The following PRKD1 variants were observed in gnomAD, a reference collection of about 807,000 sequenced individuals.
PRKD1 encodes serine/threonine-protein kinase D1.
Under a neutral mutation model 95.9 loss-of-function variants are expected in PRKD1, and 63 were observed. The observed-to-expected ratio is 0.66, with a 90% CI of 0.54 to 0.81. PRKD1 has a LOEUF of 0.81. PRKD1 is among the 30% of genes least tolerant of loss of function. The pLI is 0.00. For synonymous variants in PRKD1, 425 were observed against 423.1 expected (o/e 1.00, Z -0.05); for missense variants, 1,048 against 1,165.3 (o/e 0.90, Z 1.47).
chr14:29,838,454 A>G (rs1423397727), intron 1 of PRKD1, among the ~76,000 whole-genome samples: 1 of 152,162 alleles, frequency 6.6e-6, no homozygotes, highest in Admixed American at 6.5e-5. Flanking sequence ...CCAAGAAATT[A>G]GTTAGAAATA....
chr14:29,577,575 G>T, intron 17 of PRKD1, 119 bp from the exon 18 acceptor site: 1 of 967,848 alleles, frequency 1.0e-6, no homozygotes, highest in Non-Finnish European at 1.6e-6. Flanking sequence ...TAACAGCGCT[G>T]AATCTTTCAT....
intron 1 of PRKD1, among the ~76,000 whole-genome samples, chr14:29,796,807 G>A (rs1225055422): frequency 6.6e-6 from 1 of 152,186 alleles, no homozygotes; most frequent in African/African-American, 2.4e-5. Context: ...ATGTTTAGGA[G>A]TTAATTAAAG....
At chr14:29,858,948 C>A (rs1177729152) in intron 1 of PRKD1, among the ~76,000 whole-genome samples, 1 of 152,172 alleles carries the variant, frequency 6.6e-6, no homozygotes. Flanking sequence ...CAAGTCTCCT[C>A]TATTTGAATA....
intron 16 of PRKD1, 25 bp from the exon 17 acceptor site, chr14:29,578,385 A>G (rs1892637493): frequency 1.3e-6 from 2 of 1,528,292 alleles, no homozygotes; most frequent in African/African-American, 1.4e-5. Flanking sequence ...CAGTAAAAAT[A>G]GATGACAAAT....
intron 1 of PRKD1, among the ~76,000 whole-genome samples, chr14:29,836,201 G>A (rs1017661630): frequency 3.9e-5 from 6 of 152,104 alleles, no homozygotes; most frequent in Non-Finnish European, 2.9e-5. Flanking sequence ...AAACAAACAC[G>A]TTTGGAAAGC....
intron 1 of PRKD1, among the ~76,000 whole-genome samples, chr14:29,809,109 T>A (rs999973399): frequency 1.3e-5 from 2 of 152,222 alleles, no homozygotes; most frequent in Admixed American, 1.3e-4. Flanking sequence ...AGGTGCATTG[T>A]CAACGAAAAA....
intron 2 of PRKD1, among the ~76,000 whole-genome samples, chr14:29,698,219 TGG>T (rs1212974439): frequency 1.8e-4 from 28 of 152,240 alleles, no homozygotes; most frequent in Non-Finnish European, 3.8e-4. Context: ...CACTATTATC[TGG>T]ATAATCACAT....
intron 2 of PRKD1, among the ~76,000 whole-genome samples, chr14:29,675,692 T>A (rs566038876): frequency 6.6e-6 from 1 of 152,046 alleles, no homozygotes; most frequent in South Asian, 2.1e-4. Context: ...ACGTTTATTG[T>A]GGCACTAGTC....
chr14:29,853,500 A>G (rs1010304088), intron 1 of PRKD1, among the ~76,000 whole-genome samples: 1 of 152,244 alleles, frequency 6.6e-6, no homozygotes, highest in African/African-American at 2.4e-5. Context: ...CAAGGCCCAC[A>G]AAATAAACAA....
intron 2 of PRKD1, among the ~76,000 whole-genome samples, chr14:29,692,024 T>C (rs1388463457): frequency 6.6e-6 from 1 of 152,166 alleles, no homozygotes; most frequent in Non-Finnish European, 1.5e-5. Flanking sequence ...ACAAGTAGCA[T>C]ATTAAACTTT....
intron 1 of PRKD1, among the ~76,000 whole-genome samples, chr14:29,784,406 T>C (rs527688309): frequency 1.3e-5 from 2 of 152,196 alleles, no homozygotes; most frequent in Non-Finnish European, 2.9e-5. Flanking sequence ...AATTTTAGAA[T>C]TGATTTTTCT....
rs569945827 is a variant in PRKD1 at position 29,748,694 on chromosome 14, A to G, written c.265-23020T>C. On this transcript the variant is annotated intron_variant, in intron 1 of 17. Coordinates refer to ENST00000331968, the MANE Select transcript of PRKD1 (RefSeq NM_002742.3). ...CACTGCTGTATCCAGCACCTAGGACATGCCAAGCACATAATAGGTATTCAG... is the reference window on the plus strand; with the variant it reads ...CACTGCTGTATCCAGCACCTAGGACGTGCCAAGCACATAATAGGTATTCAG... Among the ~76,000 whole-genome samples the G allele has an allele frequency of 3.4e-4, 52 of 152,356 alleles. 1 individual carries two copies. Among genetic ancestry groups the G allele is most frequent in the Middle Eastern group, 6.8e-3 (2 of 294 alleles).
chr14:29,884,995 C>G (rs978400902), intron 1 of PRKD1, among the ~76,000 whole-genome samples: 1 of 151,762 alleles, frequency 6.6e-6, no homozygotes, highest in African/African-American at 2.4e-5. Context: ...TCGTGGTGGG[C>G]GCCTGTAGTC....
chr14:29,917,622 T>C (rs1894936400), intron 1 of PRKD1, among the ~76,000 whole-genome samples: 1 of 152,188 alleles, frequency 6.6e-6, no homozygotes, highest in Non-Finnish European at 1.5e-5. Context: ...TTTTATTCTA[T>C]TGTTTACGAA....
intron 2 of PRKD1, among the ~76,000 whole-genome samples, chr14:29,721,136 C>T (rs1204009907): frequency 6.6e-6 from 1 of 152,142 alleles, no homozygotes; most frequent in East Asian, 1.9e-4. Context: ...TCTGTCATAG[C>T]CCGAGAATAG....
At chr14:29,761,336 A>G (rs557543559) in intron 1 of PRKD1, among the ~76,000 whole-genome samples, 8 of 152,350 alleles carry the variant, frequency 5.3e-5, no homozygotes, top group African/African-American at 1.7e-4. Context: ...TTCAATGCCC[A>G]AATTCATAAG....
intron 4 of PRKD1, among the ~76,000 whole-genome samples, chr14:29,642,875 C>T (rs1351851237): frequency 6.6e-6 from 1 of 150,550 alleles, no homozygotes; most frequent in East Asian, 1.9e-4. Context: ...CCAATTTGGC[C>T]CCATGTATTT....
intron 1 of PRKD1, among the ~76,000 whole-genome samples, chr14:29,831,496 T>G: frequency 6.8e-6 from 1 of 147,246 alleles, no homozygotes; most frequent in Non-Finnish European, 1.5e-5. Flanking sequence ...TGAGATGGAG[T>G]CTTGTTCTGT....
At chr14:29,823,763 T>G (rs1489954699) in intron 1 of PRKD1, among the ~76,000 whole-genome samples, 1 of 152,190 alleles carries the variant, frequency 6.6e-6, no homozygotes, top group Non-Finnish European at 1.5e-5. Context: ...TTTTTAATAT[T>G]TGATTCTCAA....
Sources: gnomAD v4.1 joint callset for allele counts (sites outside exome capture counted in the v4.1 genomes callset) on GRCh38, gnomAD v4.1.1 for gene constraint, MANE v1.5 for transcripts, NCBI Gene and HGNC (gene_info 2026-07-23, HGNC 2026-07-21) for gene names.